The following TMEM229B variants were observed in gnomAD, a reference collection of about 807,000 sequenced individuals.
The protein encoded by TMEM229B is chromosome 14 open reading frame 83.
TMEM229B carries 6 observed loss-of-function variants against 13.7 expected under a neutral mutation model. The ratio of observed to expected loss-of-function variants is 0.44; its 90% CI spans 0.24 to 0.86. The LOEUF is 0.86. Among genes scored for constraint, TMEM229B ranks in the 40% least tolerant of loss-of-function variants. The pLI, the probability that TMEM229B is intolerant of heterozygous loss-of-function variation, is 0.23. For synonymous variants in TMEM229B, 107 were observed against 102.1 expected, an observed-to-expected ratio of 1.05 and a Z score of -0.29; for missense variants, 170 against 236.0, an observed-to-expected ratio of 0.72 and a Z score of 1.83.
At chr14:67,478,901 A>C (rs2031396780) in intron 2 of TMEM229B, among the ~76,000 whole-genome samples, 1 of 131,672 alleles carries the variant, frequency 7.6e-6, no homozygotes. Flanking sequence ...TGTTTAAGAT[A>C]GTGGTAAGAG....
intron 1 of TMEM229B, among the ~76,000 whole-genome samples, chr14:67,531,411 C>G (rs2033445321): frequency 6.6e-6 from 1 of 152,136 alleles, no homozygotes. Flanking sequence ...CTACCACCCT[C>G]CCACAGACTG....
intron 1 of TMEM229B, among the ~76,000 whole-genome samples, chr14:67,507,306 G>C (rs2032862679): frequency 6.6e-6 from 1 of 152,082 alleles, no homozygotes; most frequent in African/African-American, 2.4e-5. Flanking sequence ...CTATGATTAT[G>C]CCACTGCACT....
upstream of TMEM229B, among the ~76,000 whole-genome samples, chr14:67,490,378 G>C (rs768511150): frequency 2.6e-5 from 4 of 152,206 alleles, no homozygotes; most frequent in Non-Finnish European, 5.9e-5. Context: ...CCAACATCAC[G>C]CAAGGAAGAC....
At chr14:67,527,969 G>A (rs2033392867) in intron 1 of TMEM229B, among the ~76,000 whole-genome samples, 1 of 152,106 alleles carries the variant, frequency 6.6e-6, no homozygotes, top group South Asian at 2.1e-4. Flanking sequence ...GCCCTGTACT[G>A]AGCCACCTAC....
At chr14:67,476,042 G>A (rs1430587796) in intron 2 of TMEM229B, among the ~76,000 whole-genome samples, 3 of 152,220 alleles carry the variant, frequency 2.0e-5, no homozygotes, top group East Asian at 1.9e-4. Flanking sequence ...GAATGGGAAG[G>A]TAGGGCTTGA....
upstream of TMEM229B, among the ~76,000 whole-genome samples, chr14:67,519,842 C>A (rs1017163218): frequency 6.6e-6 from 1 of 152,066 alleles, no homozygotes; most frequent in Non-Finnish European, 1.5e-5. Flanking sequence ...CCTGCTTCAG[C>A]CTCCCATGTA....
chr14:67,495,780 A>G (rs10145181), intron 1 of TMEM229B, among the ~76,000 whole-genome samples: 134,779 of 152,248 alleles, frequency 0.89, 60,432 homozygotes, highest in Non-Finnish European at 0.95. Context: ...CACCATGCCC[A>G]GCCAGCCTTC....
chr14:67,510,229 T>G (rs1404786399), intron 1 of TMEM229B, among the ~76,000 whole-genome samples: 1 of 152,232 alleles, frequency 6.6e-6, no homozygotes, highest in Non-Finnish European at 1.5e-5. Context: ...TTGTCATTAT[T>G]ATTGCCATGA....
At chr14:67,495,727 A>G (rs946124105) in intron 1 of TMEM229B, among the ~76,000 whole-genome samples, 3 of 151,446 alleles carry the variant, frequency 2.0e-5, no homozygotes, top group Non-Finnish European at 4.4e-5. Context: ...CAGGTGATCC[A>G]CTCACCCCGG....
At chr14:67,485,739 A>C (rs565032467) in intron 2 of TMEM229B, among the ~76,000 whole-genome samples, 1 of 152,322 alleles carries the variant, frequency 6.6e-6, no homozygotes, top group African/African-American at 2.4e-5. Flanking sequence ...AGGAAAAGCC[A>C]GGGGCTGAGG....
At chr14:67,513,731 C>A (rs1566702497) in intron 1 of TMEM229B, among the ~76,000 whole-genome samples, 1 of 152,162 alleles carries the variant, frequency 6.6e-6, no homozygotes, top group Admixed American at 6.5e-5. Context: ...CAGTCTAGGG[C>A]CCTCCAGTGC....
chr14:67,504,894 ACAAAACAAAAAC>A (rs2032762699), intron 1 of TMEM229B, among the ~76,000 whole-genome samples: 1 of 111,720 alleles, frequency 9.0e-6, no homozygotes, highest in South Asian at 3.3e-4. Flanking sequence ...CTCAAACAAA[ACAAAACAAAAAC>A]AAAAACAAAA....
At chr14:67,477,158 C>T (rs2140059237) in intron 2 of TMEM229B, among the ~76,000 whole-genome samples, 1 of 123,154 alleles carries the variant, frequency 8.1e-6, no homozygotes, top group South Asian at 2.2e-4. Context: ...AAGAGCGAAA[C>T]TCCATCTCAA....
intron 1 of TMEM229B, among the ~76,000 whole-genome samples, chr14:67,522,644 C>T (rs1221069835): frequency 2.0e-5 from 3 of 152,204 alleles, no homozygotes; most frequent in African/African-American, 7.2e-5. Context: ...TCACAGCATT[C>T]TCATCCAAGT....
In TMEM229B at chr14:67,488,499, C is replaced by T. The variant is rs1282083737; in HGVS notation, c.-192+9G>A. On this transcript the variant is annotated intron_variant, in intron 1 of 2. Transcript: ENST00000554480. ...GACCCTCCAACCCTCCCTGATCTGT[C>T]CATCTTACCGGCTTCTTCCAGCCTG... 6.6e-6 allele frequency: 1 copy of T among 152,456 alleles called. No homozygotes were observed. The highest frequency in any genetic ancestry group is 1.5e-5 in the Non-Finnish European group (1 of 68,192). 9.4% of individuals were successfully genotyped at this position (152,456 alleles called of 1,614,324 possible). A position where few individuals can be genotyped will look rare whatever the true frequency, so the allele number is the denominator to read the frequency against.
chr14:67,480,695 G>C (rs940913834), intron 2 of TMEM229B, among the ~76,000 whole-genome samples: 5 of 152,144 alleles, frequency 3.3e-5, no homozygotes, highest in African/African-American at 1.2e-4. Context: ...CCCAGGGCCC[G>C]GGCTGAGGGA....
At chr14:67,533,173 A>T (rs908609754) in intron 1 of TMEM229B, 1 of 151,178 alleles carries the variant, frequency 6.6e-6, no homozygotes, top group African/African-American at 2.4e-5. Flanking sequence ...CGGAGCGTTG[A>T]ATGGGGCGCA....
At chr14:67,528,290 C>T (rs561234721) in intron 1 of TMEM229B, among the ~76,000 whole-genome samples, 15 of 152,310 alleles carry the variant, frequency 9.8e-5, no homozygotes, top group Admixed American at 3.3e-4. Context: ...GCATGAAAAC[C>T]CATTGTCTAC....
chr14:67,498,974 A>G (rs1209564501), intron 1 of TMEM229B, among the ~76,000 whole-genome samples: 4 of 59,146 alleles, frequency 6.8e-5, no homozygotes, highest in Non-Finnish European at 1.7e-4. Context: ...CAGACAAGGC[A>G]ATGGTTTTAT....
Sources: gnomAD v4.1 joint callset for allele counts (sites outside exome capture counted in the v4.1 genomes callset) on GRCh38, gnomAD v4.1.1 for gene constraint, MANE v1.5 for transcripts, NCBI Gene and HGNC (gene_info 2026-07-23, HGNC 2026-07-21) for gene names.